ODAD2: variants seen among roughly 807,000 people sequenced by gnomAD.
ODAD2 encodes outer dynein arm docking complex subunit 2.
Under a neutral mutation model 106.8 loss-of-function variants are expected in ODAD2, and 89 were observed. That is an observed-to-expected ratio of 0.83 (90% CI 0.70 to 0.99). The LOEUF is 0.99. ODAD2 is among the 50% of genes least tolerant of loss of function. The probability of loss-of-function intolerance (pLI) is 0.00; values close to 1 mark genes in which losing one functional copy is unlikely to be tolerated. For missense variants in ODAD2, 1,168 were observed against 1,238.5 expected (o/e 0.94, Z 0.85); for synonymous variants, 404 against 436.2 (o/e 0.93, Z 0.92).
chr10:27,985,883 T>C (rs1337613377), intron 3 of ODAD2, among the ~76,000 whole-genome samples: 2 of 151,872 alleles, frequency 1.3e-5, no homozygotes, highest in Non-Finnish European at 2.9e-5. Context: ...CCTAGAGATG[T>C]TGAAAACAGA....
intron 17 of ODAD2, among the ~76,000 whole-genome samples, chr10:27,891,378 GT>G (rs200672255): frequency 0.071 from 10,192 of 143,326 alleles, 379 homozygotes; most frequent in East Asian, 0.16. Context: ...AGAGTTTTTT[GT>G]TTTTTTTTTT....
chr10:27,993,751 T>G (rs1013503349), intron 2 of ODAD2, among the ~76,000 whole-genome samples: 1 of 152,026 alleles, frequency 6.6e-6, no homozygotes, highest in Non-Finnish European at 1.5e-5. Flanking sequence ...TTAAGAATGG[T>G]TTTGCTGCAG....
chr10:27,917,792 G>C (rs1324651684), intron 16 of ODAD2, among the ~76,000 whole-genome samples: 1 of 151,438 alleles, frequency 6.6e-6, no homozygotes, highest in Non-Finnish European at 1.5e-5. Flanking sequence ...AATGGACCAT[G>C]GTCCTCCCAA....
chr10:27,849,634 A>AG (rs1248202537), intron 19 of ODAD2, among the ~76,000 whole-genome samples: 1 of 152,126 alleles, frequency 6.6e-6, no homozygotes, highest in African/African-American at 2.4e-5. Context: ...TTAAAAAGAG[A>AG]GGGAAAAAAG....
chr10:27,820,151 C>T (rs965471891), intron 19 of ODAD2, among the ~76,000 whole-genome samples: 4 of 152,110 alleles, frequency 2.6e-5, no homozygotes, highest in African/African-American at 9.7e-5. Context: ...AGCACCTGCT[C>T]CAGGCCCTGC....
intron 17 of ODAD2, among the ~76,000 whole-genome samples, chr10:27,892,565 G>A (rs1842628869): frequency 6.6e-6 from 1 of 152,120 alleles, no homozygotes; most frequent in Non-Finnish European, 1.5e-5. Flanking sequence ...TCACCAATAA[G>A]CTATCAATAA....
intron 7 of ODAD2, 51 bp from the exon 8 acceptor site, chr10:27,971,364 G>A (rs375831721): frequency 7.0e-7 from 1 of 1,418,944 alleles, no homozygotes; most frequent in African/African-American, 1.4e-5. Context: ...ATTATCTAGT[G>A]TTCTCTGAAG....
At chr10:27,936,537 T>G (rs997366390) in intron 15 of ODAD2, among the ~76,000 whole-genome samples, 189 bp downstream of exon 15, 2 of 152,206 alleles carry the variant, frequency 1.3e-5, no homozygotes, top group African/African-American at 4.8e-5. Context: ...AAAAAGTCAT[T>G]GCCAGGTGGT....
At chr10:27,882,173 A>AGAAAGAAAG (rs1554799029) in intron 17 of ODAD2, among the ~76,000 whole-genome samples, 1 of 109,682 alleles carries the variant, frequency 9.1e-6, no homozygotes, top group Non-Finnish European at 1.8e-5. Flanking sequence ...GTCATAAAAA[A>AGAAAGAAAG]AAAGAAAGAA....
intron 9 of ODAD2, among the ~76,000 whole-genome samples, chr10:27,962,117 GTC>G (rs751933337): frequency 6.6e-6 from 1 of 152,160 alleles, no homozygotes; most frequent in Non-Finnish European, 1.5e-5. Flanking sequence ...GAATAAACCT[GTC>G]TCTATTGCAG....
chr10:27,846,980 A>G (rs994020579), intron 19 of ODAD2, among the ~76,000 whole-genome samples: 2 of 152,256 alleles, frequency 1.3e-5, no homozygotes, highest in African/African-American at 4.8e-5. Flanking sequence ...TCACAGCCAA[A>G]TTCTACCAGA....
In ODAD2 at chr10:27,820,777, C is replaced by CTTT. The variant is rs72095120; in HGVS notation, c.3022-8155_3022-8153dup. On this transcript the variant is annotated intron_variant, in intron 19 of 19. Transcript: ENST00000305242. ...CAATTAAACCAATGAAGCCCAGCAA[C>CTTT]TTTTTTTTTTTTTTTTTTTTTTTTG... 6.4e-3 allele frequency among the ~76,000 whole-genome samples: 670 copies of CTTT among 105,186 alleles called. 9 individuals carry two copies. The highest frequency in any genetic ancestry group is 0.011 in the African/African-American group (293 of 25,666). 69.0% of individuals were successfully genotyped at this position (105,186 alleles called of 152,430 possible). A position where few individuals can be genotyped will look rare whatever the true frequency, so the allele number is the denominator to read the frequency against.
At chr10:27,975,063 T>A (rs1333244079) in intron 7 of ODAD2, among the ~76,000 whole-genome samples, 1 of 152,148 alleles carries the variant, frequency 6.6e-6, no homozygotes. Context: ...GTACAGGAAT[T>A]CTGGTGATTT....
At chr10:27,849,463 A>C (rs954362276) in intron 19 of ODAD2, among the ~76,000 whole-genome samples, 2 of 152,110 alleles carry the variant, frequency 1.3e-5, no homozygotes, top group African/African-American at 4.8e-5. Context: ...TGACGAGTTA[A>C]TGGGTGCAGC....
chr10:27,877,005 C>G (rs1841384808), intron 17 of ODAD2, among the ~76,000 whole-genome samples: 1 of 152,084 alleles, frequency 6.6e-6, no homozygotes, highest in Admixed American at 6.6e-5. Context: ...CTTTGATTCT[C>G]CCTTGGGATA....
chr10:27,973,468 T>C (rs1848992344), intron 7 of ODAD2, among the ~76,000 whole-genome samples: 1 of 152,164 alleles, frequency 6.6e-6, no homozygotes, highest in African/African-American at 2.4e-5. Flanking sequence ...AGTTATTTTT[T>C]CTGATCTTCT....
At chr10:27,866,651 G>T (rs762667809) in intron 17 of ODAD2, among the ~76,000 whole-genome samples, 2 of 152,178 alleles carry the variant, frequency 1.3e-5, no homozygotes, top group Non-Finnish European at 2.9e-5. Context: ...TTCCACTCAT[G>T]GTAGAAGGTG....
chr10:27,995,973 C>T (rs964066505), intron 1 of ODAD2, among the ~76,000 whole-genome samples: 1 of 152,112 alleles, frequency 6.6e-6, no homozygotes, highest in Non-Finnish European at 1.5e-5. Flanking sequence ...TCAGAAGAGT[C>T]TAGCAGTAAA....
In ODAD2 at chr10:27,940,774, G is replaced by T; in HGVS notation, c.1775C>A (p.Thr592Lys). The T allele has an allele frequency of 6.2e-7, 1 of 1,614,054 alleles. No homozygotes were observed. The highest frequency in any genetic ancestry group is 1.1e-5 in the South Asian group (1 of 91,076). ...ATACAGACTCGATTGGGCAGGTTTT[G>T]TGGAATCATGTGCACAGTCTAGTAG... is the stretch of plus-strand genomic sequence containing the variant. ...VALLDCAHDS[T>K]KPAQSSLYEA... The change falls in exon 13 of 20, where the codon ACA becomes AAA. Residue 592 changes from threonine (T) to lysine (K), a missense_variant. Physicochemically the swap from Thr to Lys is moderately conservative, Grantham distance 78 (BLOSUM62 -1). Coordinates refer to ENST00000305242, the MANE Select transcript of ODAD2 (RefSeq NM_018076.5).
Sources: allele counts gnomAD v4.1 joint callset (sites outside exome capture counted in the v4.1 genomes callset), GRCh38; gene constraint gnomAD v4.1.1; transcripts MANE v1.5; gene names NCBI Gene and HGNC (gene_info 2026-07-23, HGNC 2026-07-21).